MYT1L: variants seen among roughly 807,000 people sequenced by gnomAD.
MYT1L encodes the protein myelin transcription factor 1-like protein.
In MYT1L, 12 loss-of-function variants were observed where a neutral mutation model predicts 126.7. The ratio of observed to expected loss-of-function variants is 0.09; its 90% CI spans 0.06 to 0.15. MYT1L has a LOEUF of 0.15. Among genes scored for constraint, MYT1L ranks in the 10% least tolerant of loss-of-function variants. MYT1L has a pLI of 1.00. For synonymous variants in MYT1L, 541 were observed against 604.2 expected (o/e 0.90, Z 1.53); for missense variants, 979 against 1,585.2 (o/e 0.62, Z 6.49).
intron 1 of MYT1L, among the ~76,000 whole-genome samples, chr2:2,330,260 T>C (rs2096276729): frequency 6.6e-6 from 1 of 152,118 alleles, no homozygotes; most frequent in African/African-American, 2.4e-5. Flanking sequence ...ATAGCTTTGA[T>C]GGTACAAGAA....
At chr2:1,944,221 T>A (rs1226654904) in intron 8 of MYT1L, among the ~76,000 whole-genome samples, 3 of 152,134 alleles carry the variant, frequency 2.0e-5, no homozygotes, top group Non-Finnish European at 4.4e-5. Flanking sequence ...CCTAATGCTA[T>A]CCCTCCCCGC....
At chr2:2,077,674 G>A (rs1360136349) in intron 3 of MYT1L, among the ~76,000 whole-genome samples, 3 of 152,176 alleles carry the variant, frequency 2.0e-5, no homozygotes, top group Non-Finnish European at 4.4e-5. Context: ...AGAAAGTAGT[G>A]TGATGACATC....
At chr2:1,976,578 G>T (rs1448753419) in intron 8 of MYT1L, among the ~76,000 whole-genome samples, 1 of 152,156 alleles carries the variant, frequency 6.6e-6, no homozygotes, top group Non-Finnish European at 1.5e-5. Context: ...GGAGACAGAG[G>T]TTGCAGTGAG....
At chr2:1,913,853 G>T (rs974910453) in intron 11 of MYT1L, among the ~76,000 whole-genome samples, 1 of 152,122 alleles carries the variant, frequency 6.6e-6, no homozygotes, top group Non-Finnish European at 1.5e-5. Context: ...ACACTCTGCT[G>T]CTACTTCATC....
intron 4 of MYT1L, among the ~76,000 whole-genome samples, chr2:2,021,883 C>T (rs956915630): frequency 2.6e-5 from 4 of 151,848 alleles, no homozygotes; most frequent in Non-Finnish European, 5.9e-5. Flanking sequence ...GGCAACAGAG[C>T]GAGACTCCAT....
intron 4 of MYT1L, among the ~76,000 whole-genome samples, chr2:2,030,144 C>A (rs758384904): frequency 3.9e-5 from 6 of 152,306 alleles, no homozygotes; most frequent in African/African-American, 1.4e-4. Flanking sequence ...GTCGCCCAGG[C>A]TGGAGTGCAA....
intron 3 of MYT1L, among the ~76,000 whole-genome samples, chr2:2,097,260 G>A (rs1256934531): frequency 6.6e-6 from 1 of 152,186 alleles, no homozygotes; most frequent in Non-Finnish European, 1.5e-5. Flanking sequence ...CAGTGAGGCT[G>A]GAGTGAGCTT....
chr2:2,260,287 C>G (rs534363926), intron 2 of MYT1L, among the ~76,000 whole-genome samples: 7 of 152,324 alleles, frequency 4.6e-5, no homozygotes, highest in African/African-American at 1.7e-4. Context: ...CTTGACAAAA[C>G]TTTCCTGAGG....
chr2:2,227,746 T>A (rs1375962517), intron 2 of MYT1L, among the ~76,000 whole-genome samples: 7 of 152,232 alleles, frequency 4.6e-5, no homozygotes, highest in Non-Finnish European at 1.0e-4. Context: ...ATGTTCATGA[T>A]GATACCCATG....
At chr2:2,276,745 G>T (rs756001272) in intron 2 of MYT1L, among the ~76,000 whole-genome samples, 63 of 152,054 alleles carry the variant, frequency 4.1e-4, no homozygotes, top group Non-Finnish European at 6.2e-4. Context: ...GTGCATACAA[G>T]ACTGTCCTCT....
intron 2 of MYT1L, among the ~76,000 whole-genome samples, chr2:2,266,652 C>T (rs924343245): frequency 3.9e-5 from 6 of 152,058 alleles, no homozygotes; most frequent in Non-Finnish European, 8.8e-5. Flanking sequence ...GGCTGTGTCC[C>T]CACCCAAATC....
intron 13 of MYT1L, among the ~76,000 whole-genome samples, chr2:1,907,550 A>G (rs1395035004): frequency 2.0e-5 from 3 of 152,156 alleles, no homozygotes; most frequent in Non-Finnish European, 4.4e-5. Flanking sequence ...AGAGGGAGGT[A>G]GGAGGGGAGG....
At chr2:2,313,235 A>G (rs556132384) in intron 1 of MYT1L, among the ~76,000 whole-genome samples, 12 of 151,948 alleles carry the variant, frequency 7.9e-5, no homozygotes, top group African/African-American at 2.9e-4. Flanking sequence ...AAAATTCAGT[A>G]CATTGCTTTC....
chr2:1,866,593 G>C (rs75742346), intron 18 of MYT1L, among the ~76,000 whole-genome samples: 38,877 of 101,108 alleles, frequency 0.38, 9,135 homozygotes, highest in Middle Eastern at 0.63. Context: ...CAGGCAGAGA[G>C]AGAGGGAGAG....
chr2:2,159,704 G>A (rs2087505129), intron 3 of MYT1L, among the ~76,000 whole-genome samples: 1 of 152,038 alleles, frequency 6.6e-6, no homozygotes. Flanking sequence ...AAGGCCATTA[G>A]CAACTTCTGG....
At position 1,922,814 on chromosome 2, in the gene MYT1L, C is replaced by T. The variant is rs1219261934; in HGVS notation, c.955G>A (p.Asp319Asn). 5 of 1,614,012 alleles carry T rather than the reference C, an allele frequency of 3.1e-6. No homozygotes were observed. Among genetic ancestry groups the T allele is most frequent in the East Asian group, 2.2e-5 (1 of 44,872 alleles). The part of the protein sequence containing the change: ...GLMEKMVEES[D>N]EEVCLSSLEC... ...AGACTGCTCAGACACACCTCCTCAT[C>T]GCTCTCCTCCACCATCTTTTCCATG... is the stretch of plus-strand genomic sequence containing the variant. The change falls in exon 10 of 25, where the codon GAT becomes AAT. Residue 319 changes from aspartate to asparagine, a missense_variant. This residue lies in a region of MYT1L where 243 missense variants were observed against 363.9 expected (regional missense o/e 0.67). Coordinates refer to ENST00000647738, the MANE Select transcript of MYT1L (RefSeq NM_001303052.2). The surrounding 1 kb of genome is among the most constrained non-coding windows in gnomAD (Gnocchi z 7.4).
In MYT1L at chr2:1,922,595, G is replaced by T. The variant is rs1240453695; in HGVS notation, c.1174C>A (p.Arg392=). ...GCACAGCTGGCAAACACTCTCGACC[G>T]GGGGCTCAACTGCTCCTCCAGCCGC... ...LMRLEEQLSP[R]SRVFASCAKE... is the part of the protein sequence containing the mutation. The change falls in exon 10 of 25, where the codon CGG becomes AGG. Residue 392 remains arginine (R), a synonymous_variant. Transcript: ENST00000647738. This position sits in a 1 kb window ranked among gnomAD's most constrained non-coding sequence, Gnocchi z 7.4. The T allele has an allele frequency of 2.5e-6, 4 of 1,613,900 alleles. No homozygotes were observed. The highest frequency in any genetic ancestry group is 3.4e-6 in the Non-Finnish European group (4 of 1,179,880).
chr2:1,881,047 G>A (rs941045358), intron 18 of MYT1L, among the ~76,000 whole-genome samples: 1 of 152,172 alleles, frequency 6.6e-6, no homozygotes, highest in African/African-American at 2.4e-5. Context: ...TGGCTGGCTT[G>A]TGCGTCAGTA....
intron 5 of MYT1L, among the ~76,000 whole-genome samples, chr2:1,996,550 C>T (rs112361574): frequency 1.8e-4 from 21 of 114,146 alleles, no homozygotes; most frequent in East Asian, 5.3e-4. Context: ...GTGTGGGCTG[C>T]ACAGAACCGA....
Sources: gnomAD v4.1 joint callset for allele counts (sites outside exome capture counted in the v4.1 genomes callset) on GRCh38, gnomAD v4.1.1 for gene constraint, gnomAD v4.1.1 regional missense constraint, Gnocchi (gnomAD v3.1) non-coding constraint, MANE v1.5 for transcripts, NCBI Gene and HGNC (gene_info 2026-07-23, HGNC 2026-07-21) for gene names.